Variants in EYS observed in about 807,000 individuals in gnomAD.
EYS encodes EGF-like photoreceptor maintenance factor, also known as protein eyes shut homolog.
Under a neutral mutation model 282.1 loss-of-function variants are expected in EYS, and 250 were observed. That is an observed-to-expected ratio of 0.89 (90% CI 0.80 to 0.98). The LOEUF is 0.98. Among genes scored for constraint, EYS ranks in the 50% least tolerant of loss-of-function variants. The pLI is 0.00. For synonymous variants in EYS, 1,355 were observed against 1,282.9 expected, an observed-to-expected ratio of 1.06 and a Z score of -1.20; for missense variants, 4,016 against 3,709.0, an observed-to-expected ratio of 1.08 and a Z score of -2.15.
chr6:65,490,729 T>G (rs775992034), intron 4 of EYS, 22 bp from the exon 5 acceptor site: 1 of 1,358,840 alleles, frequency 7.4e-7, no homozygotes, highest in African/African-American at 1.4e-5. Flanking sequence ...AAAAAAAGTT[T>G]TTTTTACATT....
At chr6:64,658,478 T>C (rs1459811238) in intron 22 of EYS, among the ~76,000 whole-genome samples, 4 of 152,196 alleles carry the variant, frequency 2.6e-5, no homozygotes, top group Admixed American at 2.6e-4. Flanking sequence ...TCCCCATCTT[T>C]GTGGATTTAT....
At chr6:65,297,692 C>T (rs1414273634) in intron 11 of EYS, among the ~76,000 whole-genome samples, 2 of 151,994 alleles carry the variant, frequency 1.3e-5, no homozygotes, top group Admixed American at 6.6e-5. Flanking sequence ...GGGCAAGTAA[C>T]TGTTACCTAC....
chr6:64,939,962 C>A (rs982916640), intron 15 of EYS, among the ~76,000 whole-genome samples: 1 of 152,098 alleles, frequency 6.6e-6, no homozygotes, highest in Non-Finnish European at 1.5e-5. Context: ...AAAAGACTAA[C>A]AAAACAATCC....
At chr6:65,133,741 A>G (rs765068254) in intron 12 of EYS, among the ~76,000 whole-genome samples, 1 of 152,112 alleles carries the variant, frequency 6.6e-6, no homozygotes, top group Non-Finnish European at 1.5e-5. Flanking sequence ...CCCAAAAGCA[A>G]TTGCAACAAA....
intron 4 of EYS, among the ~76,000 whole-genome samples, chr6:65,492,295 A>C (rs560343215): frequency 6.7e-6 from 1 of 149,796 alleles, no homozygotes; most frequent in Non-Finnish European, 1.5e-5. Flanking sequence ...CTATGGCTGT[A>C]AGAAAGAGAA....
chr6:64,128,782 T>A (rs554084464), intron 31 of EYS, among the ~76,000 whole-genome samples: 57 of 152,236 alleles, frequency 3.7e-4, no homozygotes, highest in Admixed American at 1.4e-3. Context: ...TAAGCAATAA[T>A]CATTATGCTA....
At chr6:63,981,922 A>C (rs1287802297) in intron 35 of EYS, among the ~76,000 whole-genome samples, 3 of 151,910 alleles carry the variant, frequency 2.0e-5, no homozygotes, top group Non-Finnish European at 2.9e-5. Context: ...GTTTGTTGGA[A>C]TAAGTCTAAG....
intron 18 of EYS, among the ~76,000 whole-genome samples, chr6:64,891,144 C>T (rs1164509353): frequency 1.3e-5 from 2 of 150,312 alleles, no homozygotes; most frequent in Non-Finnish European, 3.0e-5. Context: ...TTCTGAATGG[C>T]ATCTAAAATT....
At chr6:64,769,894 A>C (rs191583405) in intron 22 of EYS, among the ~76,000 whole-genome samples, 1 of 152,116 alleles carries the variant, frequency 6.6e-6, no homozygotes, top group Admixed American at 6.6e-5. Context: ...TTTTGTCAAG[A>C]CTATATCTAC....
At chr6:64,199,140 C>T (rs963710922) in intron 31 of EYS, among the ~76,000 whole-genome samples, 1 of 152,134 alleles carries the variant, frequency 6.6e-6, no homozygotes, top group Admixed American at 6.6e-5. Flanking sequence ...CAACCCTAAG[C>T]AAAAAGAAAA....
At chr6:65,192,518 T>C (rs1765667821) in intron 12 of EYS, among the ~76,000 whole-genome samples, 1 of 151,908 alleles carries the variant, frequency 6.6e-6, no homozygotes, top group East Asian at 1.9e-4. Context: ...CATATCTTTA[T>C]CAGAAGATGT....
chr6:64,352,152 G>A (rs944078204), intron 29 of EYS, among the ~76,000 whole-genome samples: 1 of 151,352 alleles, frequency 6.6e-6, no homozygotes, highest in African/African-American at 2.4e-5. Context: ...ATGAAATAAT[G>A]AGTTAATGTG....
intron 1 of EYS, among the ~76,000 whole-genome samples, chr6:65,650,860 T>C (rs16897002): frequency 0.011 from 1,649 of 152,242 alleles, 29 homozygotes; most frequent in African/African-American, 0.037. Flanking sequence ...AGGAGGTTCC[T>C]TTTAAAATGC....
intron 2 of EYS, among the ~76,000 whole-genome samples, chr6:65,559,489 C>A (rs1230065199): frequency 1.3e-5 from 2 of 152,086 alleles, no homozygotes; most frequent in Non-Finnish European, 2.9e-5. Flanking sequence ...GAAATGATTG[C>A]CACATATTCA....
intron 30 of EYS, among the ~76,000 whole-genome samples, chr6:64,296,162 T>C (rs1341826253): frequency 6.6e-6 from 1 of 152,104 alleles, no homozygotes; most frequent in Non-Finnish European, 1.5e-5. Flanking sequence ...CAAAGAGGGG[T>C]ACTCTAAATT....
intron 2 of EYS, among the ~76,000 whole-genome samples, chr6:65,518,748 C>T (rs1261203910): frequency 2.0e-5 from 3 of 152,104 alleles, no homozygotes; most frequent in Non-Finnish European, 4.4e-5. Flanking sequence ...GTTTAATGGA[C>T]TCACAGTTCT....
At chr6:64,814,013 T>A (rs1764676917) in intron 21 of EYS, among the ~76,000 whole-genome samples, 1 of 152,020 alleles carries the variant, frequency 6.6e-6, no homozygotes. Context: ...TTCAAAGGAT[T>A]TCTGGGTTTG....
intron 22 of EYS, among the ~76,000 whole-genome samples, chr6:64,756,036 C>G (rs893630124): frequency 1.3e-5 from 2 of 152,104 alleles, no homozygotes; most frequent in African/African-American, 4.8e-5. Context: ...AAATTCTTCT[C>G]TAGCAAATCA....
intron 33 of EYS, among the ~76,000 whole-genome samples, chr6:64,054,602 A>G (rs535624603): frequency 1.3e-5 from 2 of 152,172 alleles, no homozygotes; most frequent in Non-Finnish European, 2.9e-5. Flanking sequence ...GACCTCATTT[A>G]AAGAATATTT....
Sources: gnomAD v4.1 joint callset for allele counts (sites outside exome capture counted in the v4.1 genomes callset) on GRCh38, gnomAD v4.1.1 for gene constraint, MANE v1.5 for transcripts, NCBI Gene and HGNC (gene_info 2026-07-23, HGNC 2026-07-21) for gene names.